C2orf68: variants seen among roughly 807,000 people sequenced by gnomAD.
C2orf68 encodes UPF0561 protein C2orf68.
A neutral mutation model predicts 19.1 loss-of-function variants in C2orf68; 15 were observed. The observed-to-expected ratio is 0.79, with a 90% confidence interval of 0.53 to 1.21. The LOEUF is 1.21. Ranked by LOEUF, C2orf68 falls within the 50% of genes most tolerant of loss-of-function variation. C2orf68 has a pLI of 0.00. For missense variants in C2orf68, 242 were observed against 226.6 expected (o/e 1.07, Z -0.44); for synonymous variants, 98 against 91.0 (o/e 1.08, Z -0.44).
rs959125552 is a variant in C2orf68 at position 85,609,823 on chromosome 2, GGCAAGTGCCAC to G, written c.227-248_227-238del. Among the ~76,000 whole-genome samples, 6 of 152,076 alleles carry G rather than the reference GGCAAGTGCCAC, an allele frequency of 3.9e-5. No individual in the cohort carries two copies. The East Asian group carries it at 1.2e-3, about 29-fold the overall frequency. ...AGCCTCCCGAGTAGCTGGGATTACA[GGCAAGTGCCAC>G]CACATCCAGCTAATTTTCATATTTT... On this transcript the variant is annotated intron_variant, in intron 2 of 3. Coordinates refer to ENST00000306336, the MANE Select transcript of C2orf68 (RefSeq NM_001013649.4).
rs1673314470 is a variant in C2orf68 at position 85,608,740 on chromosome 2, A to AT, written c.*204dup. ...AAAAAAAAAAAAAAAGAATTCCAGA[A>AT]TATCAGGCTGGGCAAATGGGTCAAC... On this transcript the variant is annotated 3_prime_UTR_variant, in exon 4 of 4. Transcript: ENST00000306336. 2.5e-6 allele frequency: 1 copy of AT among 404,578 alleles called. No individual in the cohort carries two copies. 25.1% of individuals were successfully genotyped at this position (404,578 alleles called of 1,614,324 possible). A position where few individuals can be genotyped will look rare whatever the true frequency, so the allele number is the denominator to read the frequency against.
In C2orf68 at chr2:85,609,068, C is replaced by T. The variant is rs1349747820; in HGVS notation, c.379-1G>A. On this transcript the variant is annotated splice_acceptor_variant, in intron 3 of 3. Coordinates refer to ENST00000306336, the MANE Select transcript of C2orf68 (RefSeq NM_001013649.4). LOFTEE classifies it high-confidence loss of function. ...CACTCACCTTTCCTGGGTCATCACCCTACGTGGAGGAAGAGTCAGAAGGCT... is the reference window on the plus strand; with the variant it reads ...CACTCACCTTTCCTGGGTCATCACCTTACGTGGAGGAAGAGTCAGAAGGCT... 6.2e-7 allele frequency: 1 copy of T among 1,614,114 alleles called. No individual in the cohort carries two copies. The highest frequency in any genetic ancestry group is 8.5e-7 in the Non-Finnish European group (1 of 1,179,962).
chr2:85,608,172 T>G lies in C2orf68; in HGVS notation c.*773A>C, dbSNP rs1265972076. On this transcript the variant is annotated 3_prime_UTR_variant, in exon 4 of 4. Coordinates refer to ENST00000306336, the MANE Select transcript of C2orf68 (RefSeq NM_001013649.4). ...TAGCCCTGGCCGAGGCAGGTTTTGC[T>G]GTAAGAAATCTTTTCAGTTTAGCAC... 1 of 152,264 alleles carries G rather than the reference T, an allele frequency of 6.6e-6. No homozygotes were observed. Among genetic ancestry groups the G allele is most frequent in the African/African-American group, 2.4e-5 (1 of 41,458 alleles). The allele number at this position is 152,264 out of a possible 1,614,324, so 9.4% of individuals were successfully genotyped here. A position where few individuals can be genotyped will look rare whatever the true frequency, so the allele number is the denominator to read the frequency against.
chr2:85,605,344 C>T lies in C2orf68; in HGVS notation c.*3601G>A, dbSNP rs1673176735. Among the ~76,000 whole-genome samples the T allele has an allele frequency of 6.6e-6, 1 of 152,092 alleles. No homozygotes were observed. The highest frequency in any genetic ancestry group is 1.5e-5 in the Non-Finnish European group (1 of 68,026). On this transcript the variant is annotated 3_prime_UTR_variant, in exon 4 of 4. Coordinates refer to ENST00000306336, the MANE Select transcript of C2orf68 (RefSeq NM_001013649.4). ...GGATTTTCAAATAATTTGTACACTA[C>T]ATTTTATTCATCTACACATTGGAAA...
Position 85,611,999 on chromosome 2 carries a change from G to T in C2orf68, c.-15C>A. The T allele has an allele frequency of 6.7e-7, 1 of 1,502,894 alleles. No individual in the cohort carries two copies. The highest frequency in any genetic ancestry group is 1.2e-5 in the South Asian group (1 of 81,126). 93.1% of individuals were successfully genotyped at this position (1,502,894 alleles called of 1,614,324 possible). On this transcript the variant is annotated 5_prime_UTR_variant, in exon 1 of 4. Transcript: ENST00000306336. ...CCCGCCTCCATCAGGAGCCGGGGAC[G>T]CAGAGTCGCCGCCGCCTCGACGGCC...
chr2:85,611,942 G>C lies in C2orf68; in HGVS notation c.43C>G (p.Pro15Ala). ...TGGTTCATGTCCAGCCGCCCCCCAG[G>C]CTTGCAGCAGTGCCCCGGCCGGGGA... The part of the protein sequence containing the change: ...PHPRPGHCCK[P>A]GGRLDMNHGF... The change falls in exon 1 of 4, where the codon CCT becomes GCT. Residue 15 changes from proline (P) to alanine (A), a missense_variant. Pro to Ala is a conservative substitution (Grantham distance 27, BLOSUM62 -1). Transcript: ENST00000306336. The C allele has an allele frequency of 1.3e-6, 2 of 1,581,806 alleles. No homozygotes were observed. Among genetic ancestry groups the C allele is most frequent in the Non-Finnish European group, 1.7e-6 (2 of 1,171,844 alleles).
At position 85,612,033 on chromosome 2, in the gene C2orf68, A is replaced by T; in HGVS notation, c.-49T>A. ...CCGCCGCCTCGACGGCCCCAACAAC[A>T]GCCACCCGCCCACAGAGCTCCGCGC... On this transcript the variant is annotated 5_prime_UTR_variant, in exon 1 of 4. Transcript: ENST00000306336. The T allele has an allele frequency of 7.5e-7, 1 of 1,331,582 alleles. No individual in the cohort carries two copies. Among genetic ancestry groups the T allele is most frequent in the Non-Finnish European group, 1.0e-6 (1 of 1,001,210 alleles). 82.5% of individuals were successfully genotyped at this position (1,331,582 alleles called of 1,614,324 possible). A position where few individuals can be genotyped will look rare whatever the true frequency, so the allele number is the denominator to read the frequency against.
rs1573379456 is a variant in C2orf68 at position 85,611,867 on chromosome 2, C to G, written c.107+11G>C. 1 of 1,597,284 alleles carries G rather than the reference C, an allele frequency of 6.3e-7. No homozygotes were observed. The highest frequency in any genetic ancestry group is 8.5e-7 in the Non-Finnish European group (1 of 1,176,978). On this transcript the variant is annotated intron_variant, in intron 1 of 3. Coordinates refer to ENST00000306336, the MANE Select transcript of C2orf68 (RefSeq NM_001013649.4). ...GAGTGGTGGCGGCGGCGGCGCAGGG[C>G]GGGGCGGTACCGAGCGATCTGGTTC...
rs376820834 is a variant in C2orf68 at position 85,608,961 on chromosome 2, C to A, written c.485G>T (p.Arg162Leu). 2.5e-6 allele frequency: 4 copies of A among 1,614,186 alleles called. No homozygotes were observed. Among genetic ancestry groups the A allele is most frequent in the Non-Finnish European group, 3.4e-6 (4 of 1,180,026 alleles). ...KLRIQEEIAK[R>L]QSQH is the part of the protein sequence containing the mutation. ...TCAACATGGTCAGTGTTGGCTCTGG[C>A]GCTTTGCAATCTCCTCCTGGATACG... is the stretch of plus-strand genomic sequence containing the variant. The change falls in exon 4 of 4, where the codon CGC (arginine) becomes CTC (leucine). Residue 162 changes from arginine to leucine, a missense_variant. By Grantham distance (102) the Arg-to-Leu change is moderately radical. Coordinates refer to ENST00000306336, the MANE Select transcript of C2orf68 (RefSeq NM_001013649.4).
At position 85,608,877 on chromosome 2, in the gene C2orf68, C is replaced by A; in HGVS notation, c.*68G>T. On this transcript the variant is annotated 3_prime_UTR_variant, in exon 4 of 4. Coordinates refer to ENST00000306336, the MANE Select transcript of C2orf68 (RefSeq NM_001013649.4). ...ACAAACTGGTCCTGGTACCCCCACACTAAATTCCCTGGGCAGAATTCTTCC... is the reference window on the plus strand; with the variant it reads ...ACAAACTGGTCCTGGTACCCCCACAATAAATTCCCTGGGCAGAATTCTTCC... The A allele has an allele frequency of 1.3e-6, 2 of 1,590,702 alleles. No individual in the cohort carries two copies. The highest frequency in any genetic ancestry group is 1.7e-6 in the Non-Finnish European group (2 of 1,164,692).
In C2orf68 at chr2:85,611,283, C is replaced by G. The variant is rs904290224; in HGVS notation, c.226+385G>C. The G allele has an allele frequency of 8.5e-6, 12 of 1,416,796 alleles. No homozygotes were observed. In the South Asian group the frequency reaches 9.3e-5, roughly 11 times the overall value. 87.8% of individuals were successfully genotyped at this position (1,416,796 alleles called of 1,614,324 possible). On this transcript the variant is annotated intron_variant, in intron 2 of 3. Transcript: ENST00000306336. Reference sequence around the variant, plus strand: ...CGTCATATATTAACCAGTGTGATCTCTAGGTAGCAGAGAAGCTGGGGAAAG... The same window carrying G: ...CGTCATATATTAACCAGTGTGATCTGTAGGTAGCAGAGAAGCTGGGGAAAG...
Position 85,607,125 on chromosome 2 carries a change from G to C in C2orf68, c.*1820C>G, listed in dbSNP as rs1028320019. The C allele has an allele frequency of 6.6e-6, 1 of 152,140 alleles. No homozygotes were observed. The highest frequency in any genetic ancestry group is 6.6e-5 in the Admixed American group (1 of 15,258). 9.4% of individuals were successfully genotyped at this position (152,140 alleles called of 1,614,324 possible). A position where few individuals can be genotyped will look rare whatever the true frequency, so the allele number is the denominator to read the frequency against. On this transcript the variant is annotated 3_prime_UTR_variant, in exon 4 of 4. Coordinates refer to ENST00000306336, the MANE Select transcript of C2orf68 (RefSeq NM_001013649.4). ...AACTCCTCTTCTAGCCTTCTGAATT[G>C]TGTAATAAAACCAGGAAACAGGTGA...
In C2orf68 at chr2:85,608,814, C is replaced by T. The variant is rs1339858251; in HGVS notation, c.*131G>A. 25 of 1,273,448 alleles carry T rather than the reference C, an allele frequency of 2.0e-5. No homozygotes were observed. Among genetic ancestry groups the T allele is most frequent in the African/African-American group, 3.0e-5 (2 of 67,778 alleles). 78.9% of individuals were successfully genotyped at this position (1,273,448 alleles called of 1,614,324 possible). A position where few individuals can be genotyped will look rare whatever the true frequency, so the allele number is the denominator to read the frequency against. ...GCAGGCCAGGTGTAGTCCTGCAACA[C>T]CCTATGGATGCAGCAGCTCTGGGGG... On this transcript the variant is annotated 3_prime_UTR_variant, in exon 4 of 4. Transcript: ENST00000306336.
intron 2 of C2orf68, chr2:85,611,111 A>C: frequency 3.2e-6 from 1 of 309,762 alleles, no homozygotes. Context: ...GTGGTGGCAC[A>C]CGCCTGTGGT....
chr2:85,610,446 G>A lies in C2orf68; in HGVS notation c.227-860C>T, dbSNP rs114334045. 8.6e-3 allele frequency: 1,307 copies of A among 152,378 alleles called. 16 individuals are homozygous for A. Among genetic ancestry groups the A allele is most frequent in the Middle Eastern group, 0.02 (6 of 294 alleles). 9.4% of individuals were successfully genotyped at this position (152,378 alleles called of 1,614,324 possible). A position where few individuals can be genotyped will look rare whatever the true frequency, so the allele number is the denominator to read the frequency against. ...GTCTAGCAAAAAGTACTGGAAAGCAGAAGGGTGGATAGAGCTCTGCCTGGG... is the reference window on the plus strand; with the variant it reads ...GTCTAGCAAAAAGTACTGGAAAGCAAAAGGGTGGATAGAGCTCTGCCTGGG... On this transcript the variant is annotated intron_variant, in intron 2 of 3. Coordinates refer to ENST00000306336, the MANE Select transcript of C2orf68 (RefSeq NM_001013649.4).
intron 2 of C2orf68, 200 bp downstream of exon 2, chr2:85,611,468 C>CT (rs1406958229): frequency 1.9e-6 from 3 of 1,547,304 alleles, no homozygotes; most frequent in Non-Finnish European, 2.6e-6. Context: ...GACAGCGATG[C>CT]TTAACTGGGG....
At position 85,605,673 on chromosome 2, in the gene C2orf68, AAAG is replaced by A. The variant is rs1323698044; in HGVS notation, c.*3269_*3271del. 2.6e-5 allele frequency among the ~76,000 whole-genome samples: 4 copies of A among 152,360 alleles called. No individual in the cohort carries two copies. In the East Asian group the frequency reaches 7.7e-4, roughly 29 times the overall value. ...TGTACTTATTCCTCTTTCTGCACAC[AAAG>A]CCCTCATTTAAATTTGTGAGCCTGC... On this transcript the variant is annotated 3_prime_UTR_variant, in exon 4 of 4. Coordinates refer to ENST00000306336, the MANE Select transcript of C2orf68 (RefSeq NM_001013649.4).
In C2orf68 at chr2:85,605,997, C is replaced by T. The variant is rs1428102657; in HGVS notation, c.*2948G>A. On this transcript the variant is annotated 3_prime_UTR_variant, in exon 4 of 4. Transcript: ENST00000306336. ...TGCCAGCTGGATAACAACTCAAGCTCTAGTGTTTACTCTTGCACAGCCCCA... is the reference window on the plus strand; with the variant it reads ...TGCCAGCTGGATAACAACTCAAGCTTTAGTGTTTACTCTTGCACAGCCCCA... Among the ~76,000 whole-genome samples the T allele has an allele frequency of 1.3e-5, 2 of 152,216 alleles. No homozygotes were observed. Among genetic ancestry groups the T allele is most frequent in the Non-Finnish European group, 2.9e-5 (2 of 68,034 alleles).
Position 85,611,669 on chromosome 2 carries a change from T to A in C2orf68, c.225A>T (p.Arg75=), listed in dbSNP as rs977607557. ...PDLQVYLPRH[R]DVSAHPRNPD... Reference sequence around the variant, plus strand: ...GGCAGGCGGGGCGGGCGGCCTCACCTCGGTGTCGCGGCAGGTACACCTGCA... The same window carrying A: ...GGCAGGCGGGGCGGGCGGCCTCACCACGGTGTCGCGGCAGGTACACCTGCA... The change falls in exon 2 of 4, where the codon CGA becomes CGT. Residue 75 remains arginine (R), a splice_region_variant and synonymous_variant. Coordinates refer to ENST00000306336, the MANE Select transcript of C2orf68 (RefSeq NM_001013649.4). 2.6e-6 allele frequency: 4 copies of A among 1,560,176 alleles called. No homozygotes were observed. The highest frequency in any genetic ancestry group is 2.6e-6 in the Non-Finnish European group (3 of 1,152,568).
Sources: gnomAD v4.1 joint callset for allele counts (sites outside exome capture counted in the v4.1 genomes callset) on GRCh38, gnomAD v4.1.1 for gene constraint, MANE v1.5 for transcripts, NCBI Gene and HGNC (gene_info 2026-07-23, HGNC 2026-07-21) for gene names.